Variants in CABCOCO1 observed in about 807,000 individuals in gnomAD.
CABCOCO1 encodes ciliary associated calcium binding coiled-coil 1, also known as ciliary-associated calcium-binding coiled-coil protein 1.
In CABCOCO1, 28 loss-of-function variants were observed where a neutral mutation model predicts 35.7. The observed-to-expected ratio is 0.78, with a 90% CI of 0.58 to 1.07. The LOEUF (loss-of-function observed/expected upper bound fraction) is 1.07, where lower values mean the gene tolerates loss of function less well. Among genes scored for constraint, CABCOCO1 ranks in the 50% least tolerant of loss-of-function variants. The probability of loss-of-function intolerance (pLI) is 0.00; values close to 1 mark genes in which losing one functional copy is unlikely to be tolerated. For synonymous variants in CABCOCO1, 95 were observed against 100.1 expected, an observed-to-expected ratio of 0.95 and a Z score of 0.30; for missense variants, 326 against 309.2, an observed-to-expected ratio of 1.05 and a Z score of -0.41.
intron 5 of CABCOCO1, among the ~76,000 whole-genome samples, chr10:61,702,683 G>T (rs910990278): frequency 1.3e-5 from 2 of 152,088 alleles, no homozygotes; most frequent in African/African-American, 2.4e-5. Context: ...TAGTGTTCAA[G>T]TTGGCTTATG....
At chr10:61,723,931 C>G (rs1361892918) in intron 5 of CABCOCO1, among the ~76,000 whole-genome samples, 5 of 152,064 alleles carry the variant, frequency 3.3e-5, no homozygotes, top group African/African-American at 1.2e-4. Flanking sequence ...TGAAAAAGCC[C>G]AGAGAATCGG....
chr10:61,729,713 T>A (rs755104629), intron 5 of CABCOCO1, among the ~76,000 whole-genome samples: 1 of 152,170 alleles, frequency 6.6e-6, no homozygotes, highest in Non-Finnish European at 1.5e-5. Context: ...TGGAAAACCC[T>A]AAATGCCCAT....
intron 5 of CABCOCO1, among the ~76,000 whole-genome samples, chr10:61,736,742 T>C (rs1198837294): frequency 1.3e-5 from 2 of 152,238 alleles, no homozygotes; most frequent in African/African-American, 4.8e-5. Context: ...AATATAGCCA[T>C]TTTAATGATA....
chr10:61,666,250 A>G (rs1264124659), intron 1 of CABCOCO1, among the ~76,000 whole-genome samples: 2 of 152,240 alleles, frequency 1.3e-5, no homozygotes, highest in Non-Finnish European at 2.9e-5. Context: ...TCGGGGCTCA[A>G]TTGAGCAGCA....
chr10:61,695,785 C>T (rs1198998030), intron 5 of CABCOCO1, among the ~76,000 whole-genome samples: 1 of 151,812 alleles, frequency 6.6e-6, no homozygotes, highest in Non-Finnish European at 1.5e-5. Flanking sequence ...AAAACCCTTT[C>T]TGTGATAAAA....
intron 2 of CABCOCO1, among the ~76,000 whole-genome samples, chr10:61,676,994 G>A (rs1260628694): frequency 6.6e-6 from 1 of 151,950 alleles, no homozygotes; most frequent in African/African-American, 2.4e-5. Flanking sequence ...AACCCGGGAG[G>A]CAGAGCTTGC....
At chr10:61,738,734 T>C (rs1841480680) in intron 5 of CABCOCO1, among the ~76,000 whole-genome samples, 1 of 152,222 alleles carries the variant, frequency 6.6e-6, no homozygotes. Flanking sequence ...TTGAACCTTC[T>C]TGCAAATTAT....
intron 5 of CABCOCO1, among the ~76,000 whole-genome samples, chr10:61,711,888 T>G (rs549875228): frequency 1.3e-5 from 2 of 152,030 alleles, no homozygotes; most frequent in Non-Finnish European, 2.9e-5. Flanking sequence ...TTAAAAAGCA[T>G]TTTGAATGGG....
intron 5 of CABCOCO1, among the ~76,000 whole-genome samples, chr10:61,702,618 A>C (rs1840488627): frequency 6.6e-6 from 1 of 152,130 alleles, no homozygotes. Flanking sequence ...CTTTTTTTAA[A>C]AAAGAAGATT....
chr10:61,726,170 G>A (rs974011046), intron 5 of CABCOCO1, among the ~76,000 whole-genome samples: 2 of 152,146 alleles, frequency 1.3e-5, no homozygotes, highest in African/African-American at 4.8e-5. Flanking sequence ...AATTCAATAT[G>A]TGTAACAATA....
At chr10:61,751,201 CT>C (rs1239466599) in intron 5 of CABCOCO1, among the ~76,000 whole-genome samples, 1 of 144,294 alleles carries the variant, frequency 6.9e-6, no homozygotes, top group East Asian at 2.1e-4. Flanking sequence ...CTCTGCTTTG[CT>C]TTGCCTTGCT....
At chr10:61,758,093 C>T (rs547893918) in intron 5 of CABCOCO1, among the ~76,000 whole-genome samples, 5 of 152,122 alleles carry the variant, frequency 3.3e-5, no homozygotes, top group African/African-American at 9.6e-5. Context: ...TCAGTGCCTG[C>T]AGTAAATTCA....
intron 5 of CABCOCO1, among the ~76,000 whole-genome samples, chr10:61,752,404 CAG>C (rs1436102284): frequency 1.4e-5 from 2 of 148,012 alleles, no homozygotes; most frequent in Non-Finnish European, 3.0e-5. Context: ...GAGAGCTAAG[CAG>C]AGAGGGAAAT....
chr10:61,667,272 T>A (rs1263483613), intron 1 of CABCOCO1, among the ~76,000 whole-genome samples: 1 of 149,888 alleles, frequency 6.7e-6, no homozygotes, highest in African/African-American at 2.4e-5. Context: ...CACATATTTA[T>A]CTCTACAAAA....
In CABCOCO1 at chr10:61,736,970, T is replaced by C. The variant is rs1236633876; in HGVS notation, c.553-23089T>C. Among the ~76,000 whole-genome samples, 5 of 152,158 alleles carry C rather than the reference T, an allele frequency of 3.3e-5. No homozygotes were observed. In the East Asian group the frequency reaches 7.7e-4, roughly 23 times the overall value. ...GGTTGCTGCTGATGTGTAGGAATAC[T>C]AGTGATTTTTGTACACTGATTTTGT... On this transcript the variant is annotated intron_variant, in intron 5 of 7. Transcript: ENST00000648843.
chr10:61,751,890 C>T (rs1375159413), intron 5 of CABCOCO1, among the ~76,000 whole-genome samples: 1 of 152,168 alleles, frequency 6.6e-6, no homozygotes, highest in African/African-American at 2.4e-5. Context: ...ATTTTTAGAA[C>T]ATTCAAATCT....
intron 5 of CABCOCO1, among the ~76,000 whole-genome samples, chr10:61,719,857 G>C (rs1437069144): frequency 6.7e-6 from 1 of 148,634 alleles, no homozygotes; most frequent in East Asian, 2.0e-4. Context: ...GGAGTCAGAG[G>C]TTTCAGTGAG....
chr10:61,745,670 A>G (rs1841640202), intron 5 of CABCOCO1, among the ~76,000 whole-genome samples: 1 of 152,180 alleles, frequency 6.6e-6, no homozygotes, highest in African/African-American at 2.4e-5. Context: ...GTTGAATTGA[A>G]CCAAAATCTG....
chr10:61,730,714 A>G (rs1841283565), intron 5 of CABCOCO1, among the ~76,000 whole-genome samples: 1 of 152,136 alleles, frequency 6.6e-6, no homozygotes. Context: ...AACTTGGCAG[A>G]TATCATTTGA....
Sources: allele counts gnomAD v4.1 joint callset (sites outside exome capture counted in the v4.1 genomes callset), GRCh38; gene constraint gnomAD v4.1.1; transcripts MANE v1.5; gene names NCBI Gene and HGNC (gene_info 2026-07-23, HGNC 2026-07-21).